The following ZC3H15 variants were observed in gnomAD, a reference collection of about 807,000 sequenced individuals.
ZC3H15 encodes the protein zinc finger CCCH domain-containing protein 15.
Under a neutral mutation model 51.2 loss-of-function variants are expected in ZC3H15, and 15 were observed. That is an observed-to-expected ratio of 0.29 (90% CI 0.20 to 0.45). The LOEUF is 0.45. ZC3H15 is among the 20% of genes least tolerant of loss of function. The pLI is 1.00. For synonymous variants in ZC3H15, 144 were observed against 162.8 expected, an observed-to-expected ratio of 0.88 and a Z score of 0.88; for missense variants, 381 against 494.7, an observed-to-expected ratio of 0.77 and a Z score of 2.18.
In ZC3H15 at chr2:186,495,326, C is replaced by G. The variant is rs200269989; in HGVS notation, c.169C>G (p.Pro57Ala). Residue 57 changes from proline to alanine, a missense_variant, in exon 2 of 10, where the codon CCA (proline) becomes GCA (alanine). Coordinates refer to ENST00000337859, the MANE Select transcript of ZC3H15 (RefSeq NM_018471.3). ...TCAAGTTAAATTTGGTCAACAAAAT[C>G]CACGTCAGGTAAGTAATTTAAATGT... ...THQVKFGQQN[P>A]RQVAQSEAEK... 9.6e-4 allele frequency: 1,459 copies of G among 1,512,076 alleles called. 3 individuals are homozygous for G. The highest frequency in any genetic ancestry group is 1.2e-3 in the Non-Finnish European group (1,360 of 1,131,054). The allele number at this position is 1,512,076 out of a possible 1,614,324, so 93.7% of individuals were successfully genotyped here. A position where few individuals can be genotyped will look rare whatever the true frequency, so the allele number is the denominator to read the frequency against.
intron 1 of ZC3H15, among the ~76,000 whole-genome samples, chr2:186,495,023 A>G (rs1685259708): frequency 6.6e-6 from 1 of 152,116 alleles, no homozygotes; most frequent in South Asian, 2.1e-4. Flanking sequence ...AACAGGTTTA[A>G]TGATGATAAT....
chr2:186,499,178 T>C (rs1685336548), intron 2 of ZC3H15, among the ~76,000 whole-genome samples: 1 of 152,198 alleles, frequency 6.6e-6, no homozygotes, highest in Admixed American at 6.5e-5. Flanking sequence ...CTCTTGTGTT[T>C]TATTGTGTAC....
intron 1 of ZC3H15, among the ~76,000 whole-genome samples, chr2:186,493,411 C>G (rs922230490): frequency 1.1e-4 from 17 of 152,118 alleles, no homozygotes; most frequent in African/African-American, 4.1e-4. Flanking sequence ...GCTCTTTTCT[C>G]TTGTTTACAG....
In ZC3H15 at chr2:186,508,742, A is replaced by C. The variant is rs1685507455; in HGVS notation, c.*9A>C. On this transcript the variant is annotated 3_prime_UTR_variant, in exon 10 of 10. Coordinates refer to ENST00000337859, the MANE Select transcript of ZC3H15 (RefSeq NM_018471.3). ...TTGATTTAGAAGAATGACACCAAAC[A>C]CATCGCTGAAAAAATTAAGTCAGCT... 1 of 1,611,556 alleles carries C rather than the reference A, an allele frequency of 6.2e-7. No homozygotes were observed. The highest frequency in any genetic ancestry group is 8.5e-7 in the Non-Finnish European group (1 of 1,178,268).
In ZC3H15 at chr2:186,489,046, C is replaced by T. The variant is rs78967973; in HGVS notation, c.75+2589C>T. The T allele has an allele frequency of 1.4e-3, 220 of 158,348 alleles. 2 individuals carry two copies. Among genetic ancestry groups the T allele is most frequent in the South Asian group, 8.9e-3 (45 of 5,070 alleles). The allele number at this position is 158,348 out of a possible 1,614,324, so 9.8% of individuals were successfully genotyped here. A position where few individuals can be genotyped will look rare whatever the true frequency, so the allele number is the denominator to read the frequency against. ...TAGTGAACAAGATGTTCAAATATTC[C>T]ATTTGTTTCTCAGTGATCATAGTTT... On this transcript the variant is annotated intron_variant, in intron 1 of 9. Coordinates refer to ENST00000337859, the MANE Select transcript of ZC3H15 (RefSeq NM_018471.3).
intron 1 of ZC3H15, among the ~76,000 whole-genome samples, chr2:186,488,312 T>A (rs1362454794): frequency 1.3e-5 from 2 of 152,196 alleles, no homozygotes; most frequent in African/African-American, 4.8e-5. Context: ...CCCCACTAAA[T>A]TTGTTTTGTG....
Position 186,492,417 on chromosome 2 carries a change from T to C in ZC3H15, c.76-2816T>C, listed in dbSNP as rs181187185. 5.9e-5 allele frequency among the ~76,000 whole-genome samples: 9 copies of C among 152,338 alleles called. No homozygotes were observed. The East Asian group carries it at 1.5e-3, about 26-fold the overall frequency. ...GCTCAGTGCAGAAACATCCAGCTTG[T>C]TTGTGCTTCTTACCTTTTTTCATAC... On this transcript the variant is annotated intron_variant, in intron 1 of 9. Transcript: ENST00000337859.
rs546506228 is a variant in ZC3H15, at chr2:186,503,027, T to C, written c.534+440T>C. Among the ~76,000 whole-genome samples, 509 of 152,316 alleles carry C rather than the reference T, an allele frequency of 3.3e-3. 5 individuals are homozygous for C. The highest frequency in any genetic ancestry group is 6.4e-3 in the Non-Finnish European group (438 of 68,022). ...AATTCCAAAATGAATTTTTGGTAGG[T>C]AGTGGCTCTAATTCCAGGAAATGTA... On this transcript the variant is annotated intron_variant, in intron 5 of 9. Transcript: ENST00000337859.
In ZC3H15 at chr2:186,486,361, G is replaced by A. The variant is rs759781450; in HGVS notation, c.-22G>A. ...CGGTATTCAGCTGCGCGTAAGTCTG[G>A]CCGGTGCCATCTGTCTCCGCAATGC... On this transcript the variant is annotated 5_prime_UTR_variant, in exon 1 of 10. Transcript: ENST00000337859. The A allele has an allele frequency of 1.3e-6, 2 of 1,528,720 alleles. No individual in the cohort carries two copies. Among genetic ancestry groups the A allele is most frequent in the Non-Finnish European group, 8.8e-7 (1 of 1,133,336 alleles). The allele number at this position is 1,528,720 out of a possible 1,614,324, so 94.7% of individuals were successfully genotyped here.
intron 5 of ZC3H15, among the ~76,000 whole-genome samples, chr2:186,503,750 CAAGT>C (rs1574426867): frequency 6.6e-6 from 1 of 152,242 alleles, no homozygotes; most frequent in South Asian, 2.1e-4. Flanking sequence ...GTAACTGAAA[CAAGT>C]AAGTCATTTT....
chr2:186,504,756 A>C (rs1360183114), intron 6 of ZC3H15, among the ~76,000 whole-genome samples: 1 of 152,206 alleles, frequency 6.6e-6, no homozygotes, highest in Non-Finnish European at 1.5e-5. Flanking sequence ...GATTATTAGA[A>C]ACATTAGATT....
At chr2:186,488,655 G>T (rs923854159) in intron 1 of ZC3H15, 1 of 152,232 alleles carries the variant, frequency 6.6e-6, no homozygotes, top group African/African-American at 2.4e-5. Context: ...GGTTAGAGGC[G>T]GTGTTTGTTA....
chr2:186,507,296 T>C (rs1345019788), intron 9 of ZC3H15: 3 of 402,814 alleles, frequency 7.4e-6, no homozygotes, highest in Non-Finnish European at 1.5e-5. Context: ...AAGTTACTGG[T>C]TGTAATTGGT....
At chr2:186,494,047 A>G (rs1282444714) in intron 1 of ZC3H15, among the ~76,000 whole-genome samples, 3 of 150,714 alleles carry the variant, frequency 2.0e-5, no homozygotes, top group Admixed American at 6.6e-5. Context: ...TGGCTTCTAT[A>G]TGTTTTTGTA....
At chr2:186,505,662 G>C in intron 7 of ZC3H15, 65 bp downstream of exon 7, 1 of 1,603,236 alleles carries the variant, frequency 6.2e-7, no homozygotes, top group African/African-American at 1.3e-5. Context: ...TGTCATGCAA[G>C]ATTTTGTTTC....
At chr2:186,499,735 C>A (rs1376501186) in intron 2 of ZC3H15, 1 of 376,468 alleles carries the variant, frequency 2.7e-6, no homozygotes, top group Non-Finnish European at 5.2e-6. Flanking sequence ...TAATATCCTA[C>A]ATTGACCTAA....
In ZC3H15 at chr2:186,508,716, C is replaced by G; in HGVS notation, c.1264C>G (p.Leu422Val). ...LDELEEELNT[L>V]DLEE ...TGAACTAGAAGAAGAATTAAATACA[C>G]TTGATTTAGAAGAATGACACCAAAC... Residue 422 changes from leucine (L) to valine (V), a missense_variant, in exon 10 of 10, where the codon CTT becomes GTT. Transcript: ENST00000337859. 6.2e-7 allele frequency: 1 copy of G among 1,613,966 alleles called. No individual in the cohort carries two copies. The highest frequency in any genetic ancestry group is 1.1e-5 in the South Asian group (1 of 91,076).
intron 2 of ZC3H15, among the ~76,000 whole-genome samples, chr2:186,498,814 C>T (rs1574424682): frequency 6.6e-6 from 1 of 152,186 alleles, no homozygotes; most frequent in South Asian, 2.1e-4. Context: ...TTATGCTCTC[C>T]TTAAGTACCA....
intron 1 of ZC3H15, among the ~76,000 whole-genome samples, chr2:186,491,950 T>TC (rs1262550863): frequency 6.6e-6 from 1 of 151,676 alleles, no homozygotes; most frequent in African/African-American, 2.4e-5. Context: ...GAAACCTGAT[T>TC]TTTTTTTTCT....
Sources: gnomAD v4.1 joint callset for allele counts (sites outside exome capture counted in the v4.1 genomes callset) on GRCh38, gnomAD v4.1.1 for gene constraint, MANE v1.5 for transcripts, NCBI Gene and HGNC (gene_info 2026-07-23, HGNC 2026-07-21) for gene names.